The following CDYL2 variants were observed in gnomAD, a reference collection of about 807,000 sequenced individuals.
CDYL2 encodes chromodomain Y-like protein 2.
CDYL2 carries 23 observed loss-of-function variants against 49.4 expected under a neutral mutation model. That is an observed-to-expected ratio of 0.47 (90% CI 0.34 to 0.66). CDYL2 has a LOEUF of 0.66. CDYL2 is among the 30% of genes least tolerant of loss of function. CDYL2 has a pLI of 0.01. For missense variants in CDYL2, 678 were observed against 656.4 expected, an observed-to-expected ratio of 1.03 and a Z score of -0.36; for synonymous variants, 360 against 268.8, an observed-to-expected ratio of 1.34 and a Z score of -3.32.
chr16:80,691,243 G>T (rs188276074), intron 1 of CDYL2, among the ~76,000 whole-genome samples: 2 of 152,154 alleles, frequency 1.3e-5, no homozygotes, highest in Non-Finnish European at 2.9e-5. Context: ...GGGGCGGAAG[G>T]GCGAAGGCAC....
chr16:80,755,149 T>C (rs1906266775), intron 1 of CDYL2, among the ~76,000 whole-genome samples: 1 of 152,182 alleles, frequency 6.6e-6, no homozygotes. Flanking sequence ...CACACATATA[T>C]TTTAAGATGA....
intron 1 of CDYL2, among the ~76,000 whole-genome samples, chr16:80,796,040 C>G (rs909257590): frequency 3.3e-5 from 5 of 152,164 alleles, no homozygotes; most frequent in Non-Finnish European, 7.3e-5. Flanking sequence ...ACCAGAGAAG[C>G]AGAATCACTA....
intron 1 of CDYL2, among the ~76,000 whole-genome samples, chr16:80,717,356 C>A (rs748511556): frequency 3.9e-5 from 6 of 152,172 alleles, no homozygotes; most frequent in Non-Finnish European, 8.8e-5. Flanking sequence ...CATTATTATT[C>A]TTACAAAAAG....
At position 80,604,139 on chromosome 16, in the gene CDYL2, G is replaced by A. The variant is rs1906222616; in HGVS notation, c.*249C>T. Reference sequence around the variant, plus strand: ...ACAGCGGTGCTTGGCGGAGCCCTGGGAAGATACAGCCTTGGACAGCTCTCT... The same window carrying A: ...ACAGCGGTGCTTGGCGGAGCCCTGGAAAGATACAGCCTTGGACAGCTCTCT... On this transcript the variant is annotated 3_prime_UTR_variant, in exon 7 of 7. Coordinates refer to ENST00000570137, the MANE Select transcript of CDYL2 (RefSeq NM_152342.4). The A allele has an allele frequency of 3.7e-6, 2 of 535,832 alleles. No homozygotes were observed. Among genetic ancestry groups the A allele is most frequent in the Non-Finnish European group, 6.7e-6 (2 of 298,720 alleles). 33.2% of individuals were successfully genotyped at this position (535,832 alleles called of 1,614,324 possible).
At chr16:80,794,645 CTT>C (rs1312635569) in intron 1 of CDYL2, among the ~76,000 whole-genome samples, 2 of 92,578 alleles carry the variant, frequency 2.2e-5, no homozygotes, top group East Asian at 7.2e-4. Context: ...GAGTTCTGCT[CTT>C]GTTGCCCAGG....
intron 1 of CDYL2, among the ~76,000 whole-genome samples, chr16:80,756,310 A>C (rs1906308205): frequency 6.6e-6 from 1 of 152,126 alleles, no homozygotes; most frequent in Admixed American, 6.5e-5. Flanking sequence ...CCATCCACAA[A>C]CCTCTGTCTA....
chr16:80,709,831 T>C (rs1904533072), intron 1 of CDYL2, among the ~76,000 whole-genome samples: 1 of 152,214 alleles, frequency 6.6e-6, no homozygotes, highest in African/African-American at 2.4e-5. Context: ...CCATCCCTTT[T>C]TTCACTGAGC....
chr16:80,612,616 G>A lies in CDYL2; in HGVS notation c.1218+10C>T. Reference sequence around the variant, plus strand: ...CTGGGACCCGAATCCAGGTATCACAGGAGGCTTACCAGCGCGACGCCCAGG... The same window carrying A: ...CTGGGACCCGAATCCAGGTATCACAAGAGGCTTACCAGCGCGACGCCCAGG... On this transcript the variant is annotated intron_variant, in intron 5 of 6. Transcript: ENST00000570137. This position sits in a 1 kb window ranked among gnomAD's most constrained non-coding sequence, Gnocchi z 5.0. The A allele has an allele frequency of 6.3e-7, 1 of 1,594,716 alleles. No individual in the cohort carries two copies. The highest frequency in any genetic ancestry group is 1.1e-5 in the South Asian group (1 of 88,408).
rs1906087055 is a variant in CDYL2, at chr16:80,601,593, C to T, written c.*2795G>A. 6.6e-6 allele frequency: 1 copy of T among 152,130 alleles called. No individual in the cohort carries two copies. Among genetic ancestry groups the T allele is most frequent in the Non-Finnish European group, 1.5e-5 (1 of 68,042 alleles). The allele number at this position is 152,130 out of a possible 1,614,324, so 9.4% of individuals were successfully genotyped here. A position where few individuals can be genotyped will look rare whatever the true frequency, so the allele number is the denominator to read the frequency against. On this transcript the variant is annotated 3_prime_UTR_variant, in exon 7 of 7. Coordinates refer to ENST00000570137, the MANE Select transcript of CDYL2 (RefSeq NM_152342.4). ...GTCTCAGGAAAGCTATTAGGATAAA[C>T]CCTGACACAACCAGAGGTCTGGTAT... is the stretch of plus-strand genomic sequence containing the variant.
At chr16:80,645,705 A>C (rs112059109) in intron 2 of CDYL2, among the ~76,000 whole-genome samples, 10 of 152,218 alleles carry the variant, frequency 6.6e-5, no homozygotes, top group African/African-American at 2.2e-4. Context: ...CTGTGGCACC[A>C]TTCACAATAG....
intron 1 of CDYL2, among the ~76,000 whole-genome samples, chr16:80,708,032 G>T (rs1159237398): frequency 2.0e-5 from 3 of 152,182 alleles, no homozygotes; most frequent in Non-Finnish European, 2.9e-5. Context: ...CTCTTTAGGG[G>T]TGGGGCAAAG....
intron 1 of CDYL2, among the ~76,000 whole-genome samples, chr16:80,727,156 G>A (rs913874582): frequency 3.9e-5 from 6 of 152,366 alleles, no homozygotes; most frequent in South Asian, 2.1e-4. Flanking sequence ...CGCAGAAGAC[G>A]GGTGATTTCT....
At chr16:80,698,086 A>G (rs1377482591) in intron 1 of CDYL2, among the ~76,000 whole-genome samples, 3 of 152,216 alleles carry the variant, frequency 2.0e-5, no homozygotes, top group African/African-American at 4.8e-5. Context: ...CCAAATAGTC[A>G]AAGTTATCCT....
intron 1 of CDYL2, among the ~76,000 whole-genome samples, chr16:80,698,994 C>A (rs149403949): frequency 1.1e-3 from 162 of 151,546 alleles, no homozygotes; most frequent in African/African-American, 3.5e-3. Flanking sequence ...TGGCTATTAT[C>A]AAAAAAACAA....
chr16:80,639,373 T>A (rs964692124), intron 2 of CDYL2, among the ~76,000 whole-genome samples: 1 of 152,218 alleles, frequency 6.6e-6, no homozygotes, highest in Non-Finnish European at 1.5e-5. Context: ...TGATGTGAAA[T>A]CTTATAGTCA....
Position 80,804,175 on chromosome 16 carries a change from C to T in CDYL2, c.-2G>A. 7.6e-7 allele frequency: 1 copy of T among 1,318,026 alleles called. No homozygotes were observed. Among genetic ancestry groups the T allele is most frequent in the East Asian group, 4.3e-5 (1 of 23,442 alleles). The allele number at this position is 1,318,026 out of a possible 1,614,324, so 81.6% of individuals were successfully genotyped here. On this transcript the variant is annotated 5_prime_UTR_variant, in exon 1 of 7. Transcript: ENST00000570137. Reference sequence around the variant, plus strand: ...CTCGTAAAGGTCCCCAGAAGCCATGCCAGGCTGCGGAACTTGGCTCGCCGG... The same window carrying T: ...CTCGTAAAGGTCCCCAGAAGCCATGTCAGGCTGCGGAACTTGGCTCGCCGG...
intron 1 of CDYL2, among the ~76,000 whole-genome samples, chr16:80,704,988 C>G (rs1269836022): frequency 2.0e-5 from 3 of 152,218 alleles, no homozygotes; most frequent in African/African-American, 7.2e-5. Context: ...GCTTATTGTC[C>G]AGCTAGGAGC....
chr16:80,661,411 C>G (rs1006774564), intron 2 of CDYL2, among the ~76,000 whole-genome samples: 1 of 152,172 alleles, frequency 6.6e-6, no homozygotes, highest in South Asian at 2.1e-4. Flanking sequence ...CTCAACTATG[C>G]AATACTCACA....
intron 1 of CDYL2, among the ~76,000 whole-genome samples, chr16:80,778,210 T>C (rs1376057408): frequency 1.3e-5 from 2 of 152,014 alleles, no homozygotes; most frequent in East Asian, 1.9e-4. Flanking sequence ...CTTTAATTCA[T>C]GGTGAAACAA....
Sources: gnomAD v4.1 joint callset for allele counts (sites outside exome capture counted in the v4.1 genomes callset) on GRCh38, gnomAD v4.1.1 for gene constraint, Gnocchi (gnomAD v3.1) non-coding constraint, MANE v1.5 for transcripts, NCBI Gene and HGNC (gene_info 2026-07-23, HGNC 2026-07-21) for gene names.